The following SEMA3D variants were observed in gnomAD, a reference collection of about 807,000 sequenced individuals.
SEMA3D encodes the protein semaphorin 3D, also known as semaphorin-3D.
A neutral mutation model predicts 100.1 loss-of-function variants in SEMA3D; 84 were observed. That is an observed-to-expected ratio of 0.84 (90% CI 0.70 to 1.01). The LOEUF (loss-of-function observed/expected upper bound fraction) is 1.01. Among genes scored for constraint, SEMA3D ranks in the 50% least tolerant of loss-of-function variants. The pLI is 0.00. For missense variants in SEMA3D, 875 were observed against 934.1 expected, an observed-to-expected ratio of 0.94 and a Z score of 0.82; for synonymous variants, 312 against 320.7, an observed-to-expected ratio of 0.97 and a Z score of 0.29.
At chr7:85,213,070 A>C in the SEMA3D span, among the ~76,000 whole-genome samples, 3 of 152,052 alleles carry the variant, frequency 2.0e-5, no homozygotes, top group Non-Finnish European at 4.4e-5. Flanking sequence ...TGTTACTGCT[A>C]GTACTATTGG....
At chr7:85,019,386 C>T (rs1232471225) in intron 14 of SEMA3D, among the ~76,000 whole-genome samples, 2 of 151,656 alleles carry the variant, frequency 1.3e-5, no homozygotes, top group African/African-American at 4.8e-5. Flanking sequence ...CACCAGATAG[C>T]AGGTCTTGTT....
intron 2 of SEMA3D, among the ~76,000 whole-genome samples, chr7:85,150,853 A>T (rs1326441771): frequency 6.6e-6 from 1 of 152,038 alleles, no homozygotes; most frequent in African/African-American, 2.4e-5. Context: ...GACTTTCTTT[A>T]CATTGAATTC....
chr7:85,138,172 A>G (rs1789917669), intron 2 of SEMA3D, among the ~76,000 whole-genome samples: 1 of 152,202 alleles, frequency 6.6e-6, no homozygotes, highest in East Asian at 1.9e-4. Context: ...AAACAATTAT[A>G]CAGAGGAAAC....
intron 5 of SEMA3D, among the ~76,000 whole-genome samples, chr7:85,074,637 A>AT (rs1341582946): frequency 1.1e-3 from 149 of 131,432 alleles, no homozygotes; most frequent in African/African-American, 2.3e-3. Flanking sequence ...ATATATATAT[A>AT]TTTTTTTTTT....
chr7:85,239,890 G>A, the SEMA3D span, among the ~76,000 whole-genome samples: 1 of 152,072 alleles, frequency 6.6e-6, no homozygotes, highest in African/African-American at 2.4e-5. Flanking sequence ...TAACCAACCT[G>A]TAACTATTTA....
the SEMA3D span, among the ~76,000 whole-genome samples, chr7:85,240,007 T>C: frequency 6.6e-6 from 1 of 152,176 alleles, no homozygotes; most frequent in African/African-American, 2.4e-5. Flanking sequence ...ATTCATTTGT[T>C]TTTCTTATCC....
intron 4 of SEMA3D, among the ~76,000 whole-genome samples, chr7:85,082,498 A>G (rs1583905004): frequency 2.0e-5 from 3 of 152,342 alleles, no homozygotes; most frequent in Middle Eastern, 3.4e-3. Flanking sequence ...AGAAGGAACA[A>G]GAAAAGCAAG....
At chr7:85,149,005 TA>T (rs1790290923) in intron 2 of SEMA3D, among the ~76,000 whole-genome samples, 1 of 151,988 alleles carries the variant, frequency 6.6e-6, no homozygotes, top group Non-Finnish European at 1.5e-5. Context: ...TACAATAAAA[TA>T]AATGAACAGG....
At chr7:85,051,748 T>A (rs1016712465) in intron 9 of SEMA3D, among the ~76,000 whole-genome samples, 3 of 151,986 alleles carry the variant, frequency 2.0e-5, no homozygotes, top group Non-Finnish European at 4.4e-5. Flanking sequence ...TCTGTGCTCA[T>A]AATTTTTTTT....
At chr7:85,175,214 T>C (rs1399339360) in intron 1 of SEMA3D, among the ~76,000 whole-genome samples, 1 of 152,116 alleles carries the variant, frequency 6.6e-6, no homozygotes, top group African/African-American at 2.4e-5. Flanking sequence ...CACTATTAAC[T>C]TCTGAAATAT....
chr7:85,205,396 A>G, the SEMA3D span, among the ~76,000 whole-genome samples: 1 of 152,192 alleles, frequency 6.6e-6, no homozygotes, highest in African/African-American at 2.4e-5. Flanking sequence ...CATTATACAA[A>G]TATCAAACAT....
chr7:85,060,584 A>C (rs1791451531), intron 8 of SEMA3D, among the ~76,000 whole-genome samples: 1 of 152,156 alleles, frequency 6.6e-6, no homozygotes, highest in Admixed American at 6.5e-5. Flanking sequence ...TTTCAGATGA[A>C]CTTCTAGCAT....
At chr7:85,149,015 G>A (rs1232985472) in intron 2 of SEMA3D, among the ~76,000 whole-genome samples, 3 of 151,722 alleles carry the variant, frequency 2.0e-5, no homozygotes, top group Admixed American at 6.6e-5. Flanking sequence ...TAAATGAACA[G>A]GAAACACAAA....
the SEMA3D span, among the ~76,000 whole-genome samples, chr7:85,204,438 C>T: frequency 2.0e-5 from 3 of 151,754 alleles, no homozygotes; most frequent in Admixed American, 2.0e-4. Flanking sequence ...AATAATATTT[C>T]GTAGAATCAG....
intron 2 of SEMA3D, among the ~76,000 whole-genome samples, chr7:85,152,024 C>T (rs1003359001): frequency 2.0e-5 from 3 of 151,896 alleles, no homozygotes; most frequent in African/African-American, 7.2e-5. Context: ...ATTTCATAAT[C>T]TTTGATTTCA....
intron 1 of SEMA3D, among the ~76,000 whole-genome samples, chr7:85,159,086 G>A (rs546430448): frequency 6.6e-5 from 10 of 152,042 alleles, no homozygotes; most frequent in South Asian, 6.2e-4. Flanking sequence ...AACCCCTTTC[G>A]TCTGTTTTTT....
intron 1 of SEMA3D, among the ~76,000 whole-genome samples, chr7:85,169,409 T>C (rs1165281606): frequency 6.6e-6 from 1 of 151,876 alleles, no homozygotes; most frequent in African/African-American, 2.4e-5. Flanking sequence ...TCACATAGTA[T>C]ATTTTGCTCC....
At chr7:85,026,585 C>T (rs909466456) in intron 12 of SEMA3D, among the ~76,000 whole-genome samples, 1 of 152,000 alleles carries the variant, frequency 6.6e-6, no homozygotes, top group African/African-American at 2.4e-5. Flanking sequence ...CTATCATAGT[C>T]TAACACTAGA....
At chr7:85,103,607 C>CGATAAAGGA (rs1788816160) in intron 3 of SEMA3D, among the ~76,000 whole-genome samples, 5 of 151,970 alleles carry the variant, frequency 3.3e-5, no homozygotes, top group Admixed American at 2.0e-4. Context: ...CTCCCTAAAC[C>CGATAAAGGA]TTTGACCTAA....
Sources: gnomAD v4.1 joint callset for allele counts (sites outside exome capture counted in the v4.1 genomes callset) on GRCh38, gnomAD v4.1.1 for gene constraint, MANE v1.5 for transcripts, NCBI Gene and HGNC (gene_info 2026-07-23, HGNC 2026-07-21) for gene names.